SLC9C2: variants seen among roughly 807,000 people sequenced by gnomAD.
The protein encoded by SLC9C2 is sodium/hydrogen exchanger 11.
In SLC9C2, 75 loss-of-function variants were observed where a neutral mutation model predicts 140.2. The ratio of observed to expected loss-of-function variants is 0.53; its 90% CI spans 0.44 to 0.65. The LOEUF (loss-of-function observed/expected upper bound fraction) is 0.65. Among genes scored for constraint, SLC9C2 ranks in the 30% least tolerant of loss-of-function variants. SLC9C2 has a pLI of 0.00. For synonymous variants in SLC9C2, 375 were observed against 420.9 expected, an observed-to-expected ratio of 0.89 and a Z score of 1.34; for missense variants, 1,074 against 1,331.8, an observed-to-expected ratio of 0.81 and a Z score of 3.01.
intron 11 of SLC9C2, among the ~76,000 whole-genome samples, chr1:173,550,439 TATTTA>T (rs1663183457): frequency 8.1e-6 from 1 of 123,858 alleles, no homozygotes; most frequent in African/African-American, 3.9e-5. Context: ...TTTATTTATT[TATTTA>T]TTTATTTATT....
chr1:173,533,382 G>A (rs1027304513), intron 17 of SLC9C2, among the ~76,000 whole-genome samples: 19 of 151,994 alleles, frequency 1.3e-4, no homozygotes, highest in Non-Finnish European at 2.6e-4. Flanking sequence ...GGGCTCAAGC[G>A]ATCCTCCCAC....
intron 27 of SLC9C2, among the ~76,000 whole-genome samples, chr1:173,502,181 G>A (rs979994792): frequency 6.9e-6 from 1 of 144,470 alleles, no homozygotes; most frequent in Non-Finnish European, 1.5e-5. Context: ...GCTGTGGCAG[G>A]AGAATCGCTT....
At chr1:173,587,017 T>G (rs1048982851) in intron 5 of SLC9C2, among the ~76,000 whole-genome samples, 7 of 151,938 alleles carry the variant, frequency 4.6e-5, no homozygotes, top group African/African-American at 1.5e-4. Context: ...TGTTGTTGTT[T>G]TTAGAAGGAA....
At chr1:173,505,128 G>C (rs762964506) in intron 26 of SLC9C2, 119 bp downstream of exon 26, 78 of 812,148 alleles carry the variant, frequency 9.6e-5, no homozygotes, top group Non-Finnish European at 1.2e-4. Context: ...CCAAGGATGG[G>C]GACTAATGAT....
chr1:173,585,805 A>G (rs1665817977), intron 5 of SLC9C2, among the ~76,000 whole-genome samples: 1 of 151,822 alleles, frequency 6.6e-6, no homozygotes, highest in East Asian at 1.9e-4. Context: ...CCTCTCTACT[A>G]AAAAATACAA....
intron 4 of SLC9C2, among the ~76,000 whole-genome samples, chr1:173,596,838 T>C (rs1260714033): frequency 2.6e-5 from 4 of 152,140 alleles, no homozygotes; most frequent in Admixed American, 2.6e-4. Flanking sequence ...AAAAGCATTA[T>C]TTGGGATAAA....
At chr1:173,540,023 G>C (rs6425240) in intron 13 of SLC9C2, among the ~76,000 whole-genome samples, 1 of 152,030 alleles carries the variant, frequency 6.6e-6, no homozygotes, top group Non-Finnish European at 1.5e-5. Context: ...GATTTGCTTT[G>C]ACTAATAAAA....
chr1:173,517,417 GTTACCTCCCAAT>G, intron 23 of SLC9C2, 108 bp downstream of exon 23: 1 of 928,368 alleles, frequency 1.1e-6, no homozygotes, highest in Non-Finnish European at 1.6e-6. Flanking sequence ...TTTCAGCTAT[GTTACCTCCCAAT>G]AGCTGGTTGG....
At chr1:173,580,633 G>A (rs537115694) in intron 7 of SLC9C2, among the ~76,000 whole-genome samples, 11 of 152,182 alleles carry the variant, frequency 7.2e-5, no homozygotes, top group Non-Finnish European at 1.2e-4. Context: ...GATTACAGGC[G>A]TGAGCCACTG....
intron 16 of SLC9C2, among the ~76,000 whole-genome samples, chr1:173,534,214 C>A (rs944799234): frequency 2.6e-5 from 4 of 152,082 alleles, no homozygotes; most frequent in African/African-American, 9.7e-5. Context: ...TTGAGGGAAA[C>A]GTCCATGTCT....
chr1:173,514,811 A>G (rs931025335), intron 23 of SLC9C2, among the ~76,000 whole-genome samples: 1 of 152,158 alleles, frequency 6.6e-6, no homozygotes, highest in South Asian at 2.1e-4. Context: ...TTCCATATTT[A>G]GTGCTTCCTT....
chr1:173,537,511 G>A (rs760674281), intron 13 of SLC9C2, among the ~76,000 whole-genome samples: 21 of 151,968 alleles, frequency 1.4e-4, no homozygotes, highest in Non-Finnish European at 2.8e-4. Flanking sequence ...GTGGTGAGCC[G>A]AGATCATGCC....
chr1:173,538,727 G>A (rs1662156525), intron 13 of SLC9C2, among the ~76,000 whole-genome samples: 4 of 152,134 alleles, frequency 2.6e-5, no homozygotes, highest in Non-Finnish European at 5.9e-5. Flanking sequence ...TGAAGAAAGA[G>A]GTAGGCAGAG....
chr1:173,511,714 G>A (rs763905254), intron 23 of SLC9C2, among the ~76,000 whole-genome samples: 5 of 152,194 alleles, frequency 3.3e-5, no homozygotes, highest in Non-Finnish European at 5.9e-5. Flanking sequence ...TTTTTGTCAT[G>A]AAGTCTTTGC....
intron 5 of SLC9C2, among the ~76,000 whole-genome samples, chr1:173,585,861 G>A (rs1264974692): frequency 6.6e-6 from 1 of 151,998 alleles, no homozygotes; most frequent in African/African-American, 2.4e-5. Context: ...CCAGCTACTC[G>A]GGAGGCTGAG....
At chr1:173,534,785 T>C (rs561359853) in intron 15 of SLC9C2, 103 bp from the exon 16 acceptor site, 10 of 950,010 alleles carry the variant, frequency 1.1e-5, no homozygotes, top group Admixed American at 4.3e-5. Context: ...TTGAAGACTA[T>C]ACATAATATA....
intron 13 of SLC9C2, 45 bp downstream of exon 13, chr1:173,547,644 A>C: frequency 7.1e-7 from 1 of 1,408,852 alleles, no homozygotes. Flanking sequence ...GATCAAAGAC[A>C]TTGCAAGAAA....
chr1:173,587,919 T>C (rs1665950457), intron 4 of SLC9C2, 89 bp from the exon 5 acceptor site: 1 of 1,024,950 alleles, frequency 9.8e-7, no homozygotes, highest in Non-Finnish European at 1.4e-6. Flanking sequence ...CAGATCTTGG[T>C]TGTAAATGTT....
Position 173,587,746 on chromosome 1 carries a change from C to T in SLC9C2, c.442G>A (p.Asp148Asn). The T allele has an allele frequency of 6.2e-7, 1 of 1,613,166 alleles. No homozygotes were observed. Among genetic ancestry groups the T allele is most frequent in the Non-Finnish European group, 8.5e-7 (1 of 1,179,448 alleles). The stretch of plus-strand genomic sequence containing the variant: ...CTAAAGAGTAGGCAAGATTGCAAAT[C>T]CCATGAATCTTTATTGAATTTTATA... ...VVIKFNKDSW[D>N]LQSCLLFSIT... Residue 148 changes from aspartate to asparagine, a missense_variant, in exon 5 of 28, where the codon GAT (aspartate) becomes AAT (asparagine). Physicochemically the swap from Asp to Asn is conservative, Grantham distance 23. Coordinates refer to ENST00000367714, the MANE Select transcript of SLC9C2 (RefSeq NM_178527.4).
Sources: gnomAD v4.1 joint callset for allele counts (sites outside exome capture counted in the v4.1 genomes callset) on GRCh38, gnomAD v4.1.1 for gene constraint, MANE v1.5 for transcripts, NCBI Gene and HGNC (gene_info 2026-07-23, HGNC 2026-07-21) for gene names.